Variants in NXPH2 observed in about 807,000 individuals in gnomAD.
The protein encoded by NXPH2 is neurexophilin 2, also known as neurexophilin-2.
A neutral mutation model predicts 19.8 loss-of-function variants in NXPH2; 5 were observed. That is an observed-to-expected ratio of 0.25 (90% CI 0.13 to 0.53). The LOEUF is 0.53. Among genes scored for constraint, NXPH2 ranks in the 20% least tolerant of loss-of-function variants. NXPH2 has a pLI of 0.96. For synonymous variants in NXPH2, 154 were observed against 127.4 expected, an observed-to-expected ratio of 1.21 and a Z score of -1.41; for missense variants, 289 against 322.8, an observed-to-expected ratio of 0.90 and a Z score of 0.80.
intron 1 of NXPH2, among the ~76,000 whole-genome samples, chr2:138,722,042 G>A (rs1681287661): frequency 6.6e-6 from 1 of 152,184 alleles, no homozygotes; most frequent in Admixed American, 6.5e-5. Flanking sequence ...CTCCACTTAT[G>A]CTATAAGTAG....
At chr2:138,728,172 C>T (rs938910718) in intron 1 of NXPH2, among the ~76,000 whole-genome samples, 2 of 152,068 alleles carry the variant, frequency 1.3e-5, no homozygotes, top group African/African-American at 4.8e-5. Context: ...CTCTCTCTCT[C>T]TCTCTCTGTC....
intron 1 of NXPH2, among the ~76,000 whole-genome samples, chr2:138,683,579 G>A (rs535667867): frequency 2.0e-5 from 3 of 152,120 alleles, no homozygotes; most frequent in East Asian, 3.9e-4. Context: ...TTAATATTTC[G>A]GTCTTCAGGT....
chr2:138,714,963 C>T (rs2104990104), intron 1 of NXPH2, among the ~76,000 whole-genome samples: 4 of 152,278 alleles, frequency 2.6e-5, no homozygotes. Context: ...AGACACATTA[C>T]CGTAAATTTC....
intron 1 of NXPH2, among the ~76,000 whole-genome samples, chr2:138,722,856 C>T (rs1030346091): frequency 3.9e-5 from 6 of 152,180 alleles, no homozygotes; most frequent in Non-Finnish European, 7.3e-5. Context: ...GTTCTTTCCA[C>T]CTTCCTTTGA....
intron 1 of NXPH2, among the ~76,000 whole-genome samples, chr2:138,730,151 T>C (rs971303027): frequency 6.6e-6 from 1 of 152,086 alleles, no homozygotes; most frequent in Non-Finnish European, 1.5e-5. Flanking sequence ...GGCCTGCCCA[T>C]ATGACATATG....
chr2:138,695,837 C>T (rs1249344500), intron 1 of NXPH2, among the ~76,000 whole-genome samples: 1 of 152,000 alleles, frequency 6.6e-6, no homozygotes, highest in Non-Finnish European at 1.5e-5. Flanking sequence ...CTGTGGTAAG[C>T]AGATAAGTAT....
At chr2:138,699,232 A>G (rs746499191) in intron 1 of NXPH2, among the ~76,000 whole-genome samples, 12 of 152,164 alleles carry the variant, frequency 7.9e-5, no homozygotes, top group Non-Finnish European at 1.8e-4. Context: ...AGTTGTCAAT[A>G]AAGTACAAAT....
chr2:138,727,728 C>G (rs1681381082), intron 1 of NXPH2, among the ~76,000 whole-genome samples: 1 of 151,864 alleles, frequency 6.6e-6, no homozygotes, highest in African/African-American at 2.4e-5. Flanking sequence ...TTCTCCTTTT[C>G]TTGACACTGT....
chr2:138,723,985 A>G (rs1681318984), intron 1 of NXPH2, among the ~76,000 whole-genome samples: 1 of 148,646 alleles, frequency 6.7e-6, no homozygotes, highest in Non-Finnish European at 1.5e-5. Flanking sequence ...CAGGTTTGTT[A>G]CATAGATACA....
intron 1 of NXPH2, among the ~76,000 whole-genome samples, chr2:138,773,851 C>T (rs1464696018): frequency 2.6e-5 from 4 of 152,180 alleles, no homozygotes; most frequent in Non-Finnish European, 5.9e-5. Flanking sequence ...TACGTGCTTA[C>T]AGTTGGATTG....
chr2:138,712,908 C>T (rs1168167639), intron 1 of NXPH2, among the ~76,000 whole-genome samples: 1 of 152,242 alleles, frequency 6.6e-6, no homozygotes, highest in Non-Finnish European at 1.5e-5. Context: ...CAAACAGGGG[C>T]TGTATTAGTA....
intron 1 of NXPH2, among the ~76,000 whole-genome samples, chr2:138,690,583 G>GAAA (rs57093369): frequency 2.2e-5 from 3 of 135,894 alleles, no homozygotes; most frequent in Non-Finnish European, 3.3e-5. Context: ...CTCAGAAATT[G>GAAA]AAAAAAAAAA....
At chr2:138,777,481 C>A (rs1682283025) in intron 1 of NXPH2, among the ~76,000 whole-genome samples, 1 of 152,202 alleles carries the variant, frequency 6.6e-6, no homozygotes, top group East Asian at 1.9e-4. Context: ...TCCTAGCCTA[C>A]TTGCAGTATT....
intron 1 of NXPH2, among the ~76,000 whole-genome samples, chr2:138,683,612 C>A (rs1196304846): frequency 6.6e-6 from 1 of 152,188 alleles, no homozygotes; most frequent in East Asian, 1.9e-4. Flanking sequence ...GCAATTAGCA[C>A]ATACTCACTG....
intron 1 of NXPH2, among the ~76,000 whole-genome samples, chr2:138,712,286 A>G (rs1681117669): frequency 6.6e-6 from 1 of 152,204 alleles, no homozygotes; most frequent in African/African-American, 2.4e-5. Context: ...ACCAGAAGCC[A>G]ATTTAGAATC....
At chr2:138,730,193 C>CTT (rs36026678) in intron 1 of NXPH2, among the ~76,000 whole-genome samples, 12 of 149,364 alleles carry the variant, frequency 8.0e-5, no homozygotes, top group East Asian at 4.0e-4. Context: ...CCACCCCACC[C>CTT]TTTTTTTTTT....
chr2:138,700,194 C>T (rs1374798972), intron 1 of NXPH2, among the ~76,000 whole-genome samples: 2 of 152,150 alleles, frequency 1.3e-5, no homozygotes, highest in Non-Finnish European at 2.9e-5. Context: ...ATCCCTACAG[C>T]GATGCATCTA....
chr2:138,690,395 C>T (rs571898886), intron 1 of NXPH2, among the ~76,000 whole-genome samples: 1 of 152,288 alleles, frequency 6.6e-6, no homozygotes, highest in Admixed American at 6.5e-5. Context: ...GACCTTTATA[C>T]ATCCAGGCCA....
intron 1 of NXPH2, among the ~76,000 whole-genome samples, chr2:138,674,395 C>CT (rs1680456107): frequency 6.6e-6 from 1 of 152,154 alleles, no homozygotes; most frequent in Admixed American, 6.5e-5. Context: ...CTCAAGTGAT[C>CT]TGCCTGCCTT....
Sources: allele counts gnomAD v4.1 joint callset (sites outside exome capture counted in the v4.1 genomes callset), GRCh38; gene constraint gnomAD v4.1.1; transcripts MANE v1.5; gene names NCBI Gene and HGNC (gene_info 2026-07-23, HGNC 2026-07-21).